MCCC1: variants seen among roughly 807,000 people sequenced by gnomAD.
The protein encoded by MCCC1 is methylcrotonoyl-CoA carboxylase subunit alpha, mitochondrial.
MCCC1 carries 64 observed loss-of-function variants against 83.8 expected under a neutral mutation model. The ratio of observed to expected loss-of-function variants is 0.76; its 90% CI spans 0.62 to 0.94. The LOEUF (loss-of-function observed/expected upper bound fraction) is 0.94. Ranked by LOEUF, MCCC1 falls within the 40% of genes least tolerant of loss-of-function variation. The pLI, the probability that MCCC1 is intolerant of heterozygous loss-of-function variation, is 0.00. For missense variants in MCCC1, 807 were observed against 904.7 expected (o/e 0.89, Z 1.39); for synonymous variants, 322 against 315.4 (o/e 1.02, Z -0.22).
At chr3:183,050,305 C>A (rs1560233814) in intron 9 of MCCC1, among the ~76,000 whole-genome samples, 1 of 152,164 alleles carries the variant, frequency 6.6e-6, no homozygotes, top group African/African-American at 2.4e-5. Flanking sequence ...ATAACCTAGA[C>A]AAGCTTGAGT....
intron 13 of MCCC1, among the ~76,000 whole-genome samples, chr3:183,036,204 G>C (rs903135857): frequency 6.6e-6 from 1 of 152,088 alleles, no homozygotes; most frequent in African/African-American, 2.4e-5. Flanking sequence ...GGGTGTGCTG[G>C]GGTAGGGATG....
At position 183,057,439 on chromosome 3, in the gene MCCC1, A is replaced by T; in HGVS notation, c.762-17T>A. On this transcript the variant is annotated splice_polypyrimidine_tract_variant and intron_variant, in intron 7 of 18. Coordinates refer to ENST00000265594, the MANE Select transcript of MCCC1 (RefSeq NM_020166.5). ...TCTACATGCCTATATAAAAGCAAAC[A>T]TGTATGTTAATATATTTGTTAGGGG... 1 of 1,550,976 alleles carries T rather than the reference A, an allele frequency of 6.4e-7. No homozygotes were observed. The highest frequency in any genetic ancestry group is 8.8e-7 in the Non-Finnish European group (1 of 1,132,062).
At chr3:183,111,085 T>C (rs1273600276) in intron 1 of MCCC1, among the ~76,000 whole-genome samples, 1 of 152,236 alleles carries the variant, frequency 6.6e-6, no homozygotes, top group Non-Finnish European at 1.5e-5. Context: ...AGGACTGCTG[T>C]TTGCTTGTGT....
intron 3 of MCCC1, among the ~76,000 whole-genome samples, chr3:183,091,527 C>A (rs1718331268): frequency 6.6e-6 from 1 of 152,076 alleles, no homozygotes; most frequent in African/African-American, 2.4e-5. Flanking sequence ...AAGAACACGC[C>A]ACTACACTCC....
intron 14 of MCCC1, among the ~76,000 whole-genome samples, chr3:183,027,219 C>G (rs578014580): frequency 1.3e-5 from 2 of 152,260 alleles, no homozygotes; most frequent in South Asian, 2.1e-4. Flanking sequence ...CTCCACTGAC[C>G]AGCCATTCCC....
In MCCC1 at chr3:183,023,207, C is replaced by T. The variant is rs1560205418; in HGVS notation, c.1732-653G>A. Among the ~76,000 whole-genome samples, 3 of 152,158 alleles carry T rather than the reference C, an allele frequency of 2.0e-5. No individual in the cohort carries two copies. The South Asian group carries it at 6.2e-4, about 31-fold the overall frequency. ...TTAAAATTTCCCTGAGGTAAAAAAT[C>T]CATTTACATCTTCTCTCTCTAGTCT... On this transcript the variant is annotated intron_variant, in intron 15 of 18. Coordinates refer to ENST00000265594, the MANE Select transcript of MCCC1 (RefSeq NM_020166.5).
chr3:183,029,763 T>G (rs1426391498), intron 14 of MCCC1, among the ~76,000 whole-genome samples: 1 of 152,186 alleles, frequency 6.6e-6, no homozygotes, highest in Admixed American at 6.5e-5. Flanking sequence ...AATTCTTCCC[T>G]ATCCTATGCA....
chr3:183,082,588 A>G (rs1717592520), intron 4 of MCCC1, among the ~76,000 whole-genome samples: 1 of 152,214 alleles, frequency 6.6e-6, no homozygotes, highest in Non-Finnish European at 1.5e-5. Context: ...AGGCAGTACA[A>G]CAGTCTCTTT....
intron 10 of MCCC1, among the ~76,000 whole-genome samples, chr3:183,043,596 C>G (rs188067246): frequency 2.0e-5 from 3 of 152,334 alleles, no homozygotes; most frequent in East Asian, 3.9e-4. Flanking sequence ...TCTTGACTCA[C>G]CAAATGGTGA....
At chr3:183,054,842 T>C (rs1577301552) in intron 8 of MCCC1, among the ~76,000 whole-genome samples, 1 of 152,304 alleles carries the variant, frequency 6.6e-6, no homozygotes, top group East Asian at 1.9e-4. Flanking sequence ...TTTATATATG[T>C]TTAGATACAC....
At position 183,107,456 on chromosome 3, in the gene MCCC1, A is replaced by T. The variant is rs551084716; in HGVS notation, c.-102+8018T>A. ...AAAGAAAAAGAAAACACTGTAGTAC[A>T]CATTGCATTGACTCTTAGGTCACTT... On this transcript the variant is annotated intron_variant, in intron 1 of 17. Coordinates refer to the MCCC1 transcript ENST00000492597. Among the ~76,000 whole-genome samples, 18 of 151,714 alleles carry T rather than the reference A, an allele frequency of 1.2e-4. 1 individual carries two copies. Among genetic ancestry groups the T allele is most frequent in the East Asian group, 9.7e-4 (5 of 5,178 alleles).
rs775030303 is a variant in MCCC1 at position 183,094,579 on chromosome 3, A to C, written c.116T>G (p.Met39Arg). 4 of 1,614,050 alleles carry C rather than the reference A, an allele frequency of 2.5e-6. No homozygotes were observed. In the South Asian group the frequency reaches 4.4e-5, roughly 18 times the overall value. Residue 39 changes from methionine to arginine, a missense_variant, in exon 2 of 19, where the codon ATG becomes AGG. By Grantham distance (91) the Met-to-Arg change is moderately conservative. Coordinates refer to ENST00000265594, the MANE Select transcript of MCCC1 (RefSeq NM_020166.5). The stretch of plus-strand genomic sequence containing the variant: ...AGTACCTGTGGCTGTTGTGTACTTC[A>C]TGGTTCTTTGCCTCCACACCCATGT... The part of the protein sequence containing the change: ...PRTWVWRQRT[M>R]KYTTATGRNI...
chr3:183,092,689 G>T, intron 2 of MCCC1, 144 bp from the exon 3 acceptor site: 1 of 947,968 alleles, frequency 1.1e-6, no homozygotes, highest in Non-Finnish European at 1.6e-6. Flanking sequence ...AGCCCAAAAT[G>T]ACCACTTTAA....
In MCCC1 at chr3:183,092,340, T is replaced by C. The variant is rs150193548; in HGVS notation, c.273+69A>G. ...CACTAGCAAATATCAACTGTCATCATAAAGAACGAAAATACTGACACAGTA... is the reference window on the plus strand; with the variant it reads ...CACTAGCAAATATCAACTGTCATCACAAAGAACGAAAATACTGACACAGTA... On this transcript the variant is annotated intron_variant, in intron 3 of 18. Transcript: ENST00000265594. 8.6e-4 allele frequency: 1,386 copies of C among 1,603,684 alleles called. 10 individuals carry two copies. The African/African-American group carries it at 0.016, about 19-fold the overall frequency.
At chr3:183,112,036 T>C (rs1003103788) in intron 1 of MCCC1, among the ~76,000 whole-genome samples, 1 of 152,176 alleles carries the variant, frequency 6.6e-6, no homozygotes, top group African/African-American at 2.4e-5. Flanking sequence ...TGAGTCTCTC[T>C]GGTCTTCTGA....
intron 4 of MCCC1, among the ~76,000 whole-genome samples, chr3:183,079,946 T>C (rs1005293763): frequency 2.0e-5 from 3 of 152,214 alleles, no homozygotes; most frequent in Non-Finnish European, 4.4e-5. Flanking sequence ...AGTAGTACCT[T>C]GGCCCCTTTT....
At chr3:183,092,581 T>C (rs1260526283) in intron 2 of MCCC1, 36 bp from the exon 3 acceptor site, 1 of 1,613,370 alleles carries the variant, frequency 6.2e-7, no homozygotes, top group African/African-American at 1.3e-5. Context: ...ACAGAAATGT[T>C]ACTGGAGAGC....
At chr3:183,072,258 T>C in intron 5 of MCCC1, 108 bp downstream of exon 5, 1 of 1,306,858 alleles carries the variant, frequency 7.7e-7, no homozygotes, top group East Asian at 2.4e-5. Context: ...GCTATCCTCC[T>C]GCCTCAGTCT....
chr3:183,107,322 C>T (rs1219688029), intron 1 of MCCC1, among the ~76,000 whole-genome samples: 1 of 151,266 alleles, frequency 6.6e-6, no homozygotes, highest in Non-Finnish European at 1.5e-5. Context: ...GCAGGAGAAT[C>T]GCTTGAACCC....
Sources: gnomAD v4.1 joint callset for allele counts (sites outside exome capture counted in the v4.1 genomes callset) on GRCh38, gnomAD v4.1.1 for gene constraint, MANE v1.5 for transcripts, NCBI Gene and HGNC (gene_info 2026-07-23, HGNC 2026-07-21) for gene names.